Variants in HDAC5 observed in about 807,000 individuals in gnomAD.
HDAC5 encodes the protein histone deacetylase 5.
In HDAC5, 25 loss-of-function variants were observed where a neutral mutation model predicts 133.3. The ratio of observed to expected loss-of-function variants is 0.19; its 90% CI spans 0.14 to 0.26. The LOEUF (loss-of-function observed/expected upper bound fraction) is 0.26. Ranked by LOEUF, HDAC5 falls within the 10% of genes least tolerant of loss-of-function variation. The pLI is 1.00. For synonymous variants in HDAC5, 589 were observed against 610.8 expected, an observed-to-expected ratio of 0.96 and a Z score of 0.53; for missense variants, 1,041 against 1,460.5, an observed-to-expected ratio of 0.71 and a Z score of 4.68.
rs1306933402 is a variant in HDAC5, at chr17:44,087,156, C to A, written c.1884+256G>T. Among the ~76,000 whole-genome samples the A allele has an allele frequency of 1.3e-5, 2 of 151,722 alleles. 1 individual carries two copies. The highest frequency in any genetic ancestry group is 6.8e-3 in the Middle Eastern group (2 of 294). ...ACGCATGCATACACAGACACACAAG[C>A]AGAGAGGCAGGCCAGTATCACAGAC... is the stretch of plus-strand genomic sequence containing the variant. On this transcript the variant is annotated intron_variant, in intron 13 of 26. Coordinates refer to ENST00000682912, the MANE Select transcript of HDAC5 (RefSeq NM_005474.5).
chr17:44,077,645 C>T lies in HDAC5; in HGVS notation c.*731G>A, dbSNP rs1267839894. ...ACCTGGTTCTGTTACTCCTCCTGGC[C>T]CCTGAGAACCCAGGAAACCAGTCCT... is the stretch of plus-strand genomic sequence containing the variant. On this transcript the variant is annotated 3_prime_UTR_variant, in exon 27 of 27. Coordinates refer to ENST00000682912, the MANE Select transcript of HDAC5 (RefSeq NM_005474.5). 2.0e-5 allele frequency: 3 copies of T among 152,312 alleles called. No homozygotes were observed. The highest frequency in any genetic ancestry group is 6.5e-5 in the Admixed American group (1 of 15,286). 9.4% of individuals were successfully genotyped at this position (152,312 alleles called of 1,614,324 possible).
At chr17:44,083,524 A>C in intron 18 of HDAC5, 21 bp downstream of exon 18, 3 of 1,582,588 alleles carry the variant, frequency 1.9e-6, no homozygotes, top group Non-Finnish European at 2.6e-6. Context: ...AGGGGCACCG[A>C]GGTCACAAGC....
chr17:44,088,412 T>C lies in HDAC5; in HGVS notation c.1574A>G (p.Lys525Arg). 1 of 1,561,216 alleles carries C rather than the reference T, an allele frequency of 6.4e-7. No individual in the cohort carries two copies. ...CTTGCCCAGCTGTAGCTGCTGCTGC[T>C]TCTGCTTCTCCAGGAACTGCTGGTG... The part of the protein sequence containing the change: ...QQHQQFLEKQ[K>R]QQQLQLGKIL... The change falls in exon 12 of 27, where the codon AAG (lysine) becomes AGG (arginine). Residue 525 changes from lysine to arginine, a missense_variant. By Grantham distance (26) the Lys-to-Arg change is conservative (BLOSUM62 2). Around this residue, in one of 9 missense-constraint regions of HDAC5, gnomAD observed 433 missense variants for 531.6 expected, o/e 0.81. Transcript: ENST00000682912.
chr17:44,114,683 C>G (rs564999923), intron 2 of HDAC5, among the ~76,000 whole-genome samples: 3 of 152,304 alleles, frequency 2.0e-5, no homozygotes, highest in Admixed American at 1.3e-4. Context: ...TGGCCTGGGT[C>G]CCAGGCCCCT....
intron 1 of HDAC5, among the ~76,000 whole-genome samples, chr17:44,121,936 C>T (rs1246894517): frequency 6.6e-6 from 1 of 152,086 alleles, no homozygotes; most frequent in Non-Finnish European, 1.5e-5. Context: ...ATACTGGGGG[C>T]CCATTTCTCT....
chr17:44,112,356 C>T (rs572386484), intron 2 of HDAC5, among the ~76,000 whole-genome samples: 1 of 152,102 alleles, frequency 6.6e-6, no homozygotes. Flanking sequence ...CCCTCCCCAC[C>T]GCTGGCCTGC....
chr17:44,097,206 G>T (rs1390474437), intron 3 of HDAC5, among the ~76,000 whole-genome samples: 1 of 152,278 alleles, frequency 6.6e-6, no homozygotes, highest in African/African-American at 2.4e-5. Context: ...CCACCCACAT[G>T]CCTGGAGTAT....
At chr17:44,088,742 C>G (rs746950721) in intron 11 of HDAC5, 144 bp from the exon 12 acceptor site, 8 of 1,216,308 alleles carry the variant, frequency 6.6e-6, no homozygotes, top group Non-Finnish European at 9.0e-6. Flanking sequence ...CTGAAGCACC[C>G]CCCACCCAAA....
intron 3 of HDAC5, among the ~76,000 whole-genome samples, chr17:44,100,501 A>C (rs1368983729): frequency 6.6e-6 from 1 of 150,704 alleles, no homozygotes; most frequent in Non-Finnish European, 1.5e-5. Flanking sequence ...TTGAGAGGCC[A>C]AGGCGGGCAG....
intron 2 of HDAC5, 139 bp from the exon 3 acceptor site, chr17:44,110,939 C>T (rs769404239): frequency 2.8e-6 from 2 of 705,860 alleles, no homozygotes; most frequent in South Asian, 1.6e-5. Context: ...TCGGGCAGCC[C>T]GCACAGCACA....
chr17:44,110,687 T>C, intron 3 of HDAC5, 42 bp downstream of exon 3: 1 of 1,514,176 alleles, frequency 6.6e-7, no homozygotes, highest in Non-Finnish European at 9.2e-7. Flanking sequence ...GGGACAAGGA[T>C]GCCAGATGAC....
At chr17:44,109,208 C>T (rs113886615) in intron 3 of HDAC5, among the ~76,000 whole-genome samples, 6,461 of 152,312 alleles carry the variant, frequency 0.042, 193 homozygotes, top group Middle Eastern at 0.092. Context: ...GGAGCTGTCC[C>T]AAGCAGATGC....
Position 44,086,640 on chromosome 17 carries a change from G to A in HDAC5, c.1982C>T (p.Ser661Phe), listed in dbSNP as rs1241970323. The A allele has an allele frequency of 1.5e-6, 2 of 1,301,962 alleles. No individual in the cohort carries two copies. Among genetic ancestry groups the A allele is most frequent in the Non-Finnish European group, 2.0e-6 (2 of 1,017,624 alleles). 80.7% of individuals were successfully genotyped at this position (1,301,962 alleles called of 1,614,324 possible). A position where few individuals can be genotyped will look rare whatever the true frequency, so the allele number is the denominator to read the frequency against. Residue 661 changes from serine to phenylalanine, a missense_variant, in exon 14 of 27, where the codon TCC becomes TTC. Around this residue, in one of 9 missense-constraint regions of HDAC5, gnomAD observed 433 missense variants for 531.6 expected, o/e 0.81. Coordinates refer to ENST00000682912, the MANE Select transcript of HDAC5 (RefSeq NM_005474.5). ...VPHQALGRTQSSPAAPGGMKS... is the reference protein window; with the variant it reads ...VPHQALGRTQFSPAAPGGMKS... ...CATGCCCCCAGGGGCAGCAGGGGAG[G>A]ACTGGGTACGGCCCAGGGCCTGGTG...
rs148106429 is a variant in HDAC5, at chr17:44,087,578, C to A, written c.1718G>T (p.Arg573Leu). 1 of 1,614,140 alleles carries A rather than the reference C, an allele frequency of 6.2e-7. No individual in the cohort carries two copies. Among genetic ancestry groups the A allele is most frequent in the Non-Finnish European group, 8.5e-7 (1 of 1,180,000 alleles). Residue 573 changes from arginine (R) to leucine (L), a missense_variant, in exon 13 of 27, where the codon CGG becomes CTG. By Grantham distance (102) the Arg-to-Leu change is moderately radical. Coordinates refer to ENST00000682912, the MANE Select transcript of HDAC5 (RefSeq NM_005474.5). ...LLGEGALTMPREGSTESESTQ... is the reference protein window; with the variant it reads ...LLGEGALTMPLEGSTESESTQ... ...GCTCTCACTCTCTGTGGAGCCCTCC[C>A]GGGGCATGGTCAGGGCTCCCTCCCC...
intron 13 of HDAC5, 47 bp from the exon 14 acceptor site, chr17:44,086,784 A>T: frequency 7.9e-7 from 1 of 1,259,204 alleles, no homozygotes; most frequent in Middle Eastern, 2.7e-4. Context: ...CAGCCAGGAC[A>T]GGGGTGAGGG....
At chr17:44,098,988 T>C (rs1221919391) in intron 3 of HDAC5, among the ~76,000 whole-genome samples, 3 of 151,230 alleles carry the variant, frequency 2.0e-5, no homozygotes, top group Non-Finnish European at 4.4e-5. Context: ...TGGTGATGCA[T>C]GCCTGTAATC....
In HDAC5 at chr17:44,093,222, C is replaced by G. The variant is rs1294605470; in HGVS notation, c.527-16G>C. 1 of 1,598,668 alleles carries G rather than the reference C, an allele frequency of 6.3e-7. No homozygotes were observed. The highest frequency in any genetic ancestry group is 8.5e-7 in the Non-Finnish European group (1 of 1,169,808). The stretch of plus-strand genomic sequence containing the variant: ...GCAATGGCACCTGCAGGACAGGGCA[C>G]AACTGACCTGGCTGCTTGGGGCCAG... On this transcript the variant is annotated splice_polypyrimidine_tract_variant and intron_variant, in intron 5 of 26. Coordinates refer to ENST00000682912, the MANE Select transcript of HDAC5 (RefSeq NM_005474.5).
intron 3 of HDAC5, among the ~76,000 whole-genome samples, chr17:44,104,038 C>G (rs950677339): frequency 9.3e-5 from 14 of 150,100 alleles, no homozygotes; most frequent in African/African-American, 3.2e-4. Flanking sequence ...TGCATAAAAT[C>G]GGCTGGGTGC....
Position 44,094,698 on chromosome 17 carries a change from C to T in HDAC5, c.95-864G>A, listed in dbSNP as rs771400529. Among the ~76,000 whole-genome samples the T allele has an allele frequency of 5.3e-5, 8 of 151,700 alleles. 1 individual carries two copies. Among genetic ancestry groups the T allele is most frequent in the South Asian group, 4.2e-4 (2 of 4,814 alleles). On this transcript the variant is annotated intron_variant, in intron 3 of 26. Coordinates refer to ENST00000682912, the MANE Select transcript of HDAC5 (RefSeq NM_005474.5). ...TACCTGACAGATTGTGACTACTCGA[C>T]GCATTTTATGTATCTGTGTGTGTGT...
Sources: allele counts gnomAD v4.1 joint callset (sites outside exome capture counted in the v4.1 genomes callset), GRCh38; gene constraint gnomAD v4.1.1; regional missense constraint gnomAD v4.1.1; transcripts MANE v1.5; gene names NCBI Gene and HGNC (gene_info 2026-07-23, HGNC 2026-07-21).